The following SERPINB11 variants were observed in gnomAD, a reference collection of about 807,000 sequenced individuals.
SERPINB11 encodes serpin B11.
SERPINB11 carries 32 observed loss-of-function variants against 36.7 expected under a neutral mutation model. The ratio of observed to expected loss-of-function variants is 0.87; its 90% CI spans 0.66 to 1.17. The LOEUF is 1.17. SERPINB11 is among the 50% of genes most tolerant of loss of function. SERPINB11 has a pLI of 0.00. For synonymous variants in SERPINB11, 174 were observed against 168.1 expected, an observed-to-expected ratio of 1.04 and a Z score of -0.27; for missense variants, 528 against 458.4, an observed-to-expected ratio of 1.15 and a Z score of -1.39.
In SERPINB11 at chr18:63,720,155, G is replaced by A. The variant is rs1506420; in HGVS notation, c.618G>A (p.Glu206=). The change falls in exon 6 of 8, where the codon GAG becomes GAA. Residue 206 remains glutamate, a splice_region_variant and synonymous_variant. Transcript: ENST00000544088. ...TTAAAAGTCCTTTTCAGCTAAGTGAGGTAAGTATTTTATTTTCAGACTCAT... is the reference window on the plus strand; with the variant it reads ...TTAAAAGTCCTTTTCAGCTAAGTGAAGTAAGTATTTTATTTTCAGACTCAT... ...ETVKSPFQLS[E]GKNVTVEMMY... The A allele has an allele frequency of 0.31, 484,258 of 1,577,700 alleles. 81,150 individuals carry two copies. Among genetic ancestry groups the A allele is most frequent in the East Asian group, 0.59 (25,965 of 44,204 alleles).
At chr18:63,718,715 A>G (rs1914729708) in intron 5 of SERPINB11, among the ~76,000 whole-genome samples, 1 of 152,104 alleles carries the variant, frequency 6.6e-6, no homozygotes. Context: ...CTCCCATTAT[A>G]TCACTTAACA....
chr18:63,716,031 A>G lies in SERPINB11; in HGVS notation c.358-4A>G. 6.3e-7 allele frequency: 1 copy of G among 1,580,154 alleles called. No homozygotes were observed. Among genetic ancestry groups the G allele is most frequent in the Non-Finnish European group, 8.7e-7 (1 of 1,152,568 alleles). Reference sequence around the variant, plus strand: ...TTGTTGTTCAATTATCATGTCTTTCATAGCAATATTTAAGCTGTTCTGAGA... The same window carrying G: ...TTGTTGTTCAATTATCATGTCTTTCGTAGCAATATTTAAGCTGTTCTGAGA... On this transcript the variant is annotated splice_polypyrimidine_tract_variant and splice_region_variant and intron_variant, in intron 4 of 7. Coordinates refer to ENST00000544088, the MANE Select transcript of SERPINB11 (RefSeq NM_001370475.1).
intron 1 of SERPINB11, among the ~76,000 whole-genome samples, chr18:63,704,537 G>A (rs1914321363): frequency 6.6e-6 from 1 of 152,198 alleles, no homozygotes; most frequent in African/African-American, 2.4e-5. Flanking sequence ...CTATTGGCAA[G>A]ACAGAGTTTT....
In SERPINB11 at chr18:63,716,080, AC is replaced by A. The variant is rs1914660295; in HGVS notation, c.404del (p.Thr135MetfsTer41). 4 of 1,612,510 alleles carry A rather than the reference AC, an allele frequency of 2.5e-6. No individual in the cohort carries two copies. Among genetic ancestry groups the A allele is most frequent in the Non-Finnish European group, 3.4e-6 (4 of 1,179,110 alleles). ...SEKWYQARLQTVDFEQSTEET... is the reference protein window; with the variant it reads ...SEKWYQARLQXVDFEQSTEET... ...GAAATGGTATCAAGCCAGGTTGCAA[AC>A]TGTGGATTTTGAACAGTCTACAGAA... is the stretch of plus-strand genomic sequence containing the variant. On this transcript the variant is annotated frameshift_variant, in exon 5 of 8. Coordinates refer to ENST00000544088, the MANE Select transcript of SERPINB11 (RefSeq NM_001370475.1). LOFTEE classifies it high-confidence loss of function.
In SERPINB11 at chr18:63,712,682, G is replaced by T. The variant is rs574415754; in HGVS notation, c.346G>T (p.Ala116Ser). ...ANRLYGTKTM[A>S]FHQQYLSCSE... ...CAGGCTCTACGGGACAAAGACGATG[G>T]CATTTCATCAGGTAAGTCCATTTGG... Residue 116 changes from alanine to serine, a missense_variant, in exon 4 of 8, where the codon GCA (alanine) becomes TCA (serine). By Grantham distance (99) the Ala-to-Ser change is moderately conservative. Coordinates refer to ENST00000544088, the MANE Select transcript of SERPINB11 (RefSeq NM_001370475.1). The T allele has an allele frequency of 8.1e-6, 13 of 1,613,270 alleles. No individual in the cohort carries two copies. Among genetic ancestry groups the T allele is most frequent in the African/African-American group, 1.3e-5 (1 of 74,886 alleles).
Position 63,715,175 on chromosome 18 carries a change from A to C in SERPINB11, c.358-860A>C, listed in dbSNP as rs563067418. On this transcript the variant is annotated intron_variant, in intron 4 of 7. Transcript: ENST00000544088. ...AGTCTTGTATTGTTCTATTCAGTTCATGTTGGGGCATTGAGTCCCACTGGG... is the reference window on the plus strand; with the variant it reads ...AGTCTTGTATTGTTCTATTCAGTTCCTGTTGGGGCATTGAGTCCCACTGGG... Among the ~76,000 whole-genome samples, 27 of 152,208 alleles carry C rather than the reference A, an allele frequency of 1.8e-4. No individual in the cohort carries two copies. The East Asian group carries it at 5.2e-3, about 29-fold the overall frequency.
At position 63,712,612 on chromosome 18, in the gene SERPINB11, T is replaced by C; in HGVS notation, c.276T>C (p.Ser92=). The C allele has an allele frequency of 6.2e-7, 1 of 1,613,760 alleles. No homozygotes were observed. The highest frequency in any genetic ancestry group is 1.1e-5 in the South Asian group (1 of 91,060). The change falls in exon 4 of 8, where the codon TCT becomes TCC. Residue 92 remains serine (S), a synonymous_variant. Coordinates refer to ENST00000544088, the MANE Select transcript of SERPINB11 (RefSeq NM_001370475.1). The part of the protein sequence containing the change: ...RIHSEFGVEF[S]QINQPDSNCT... ...ATTCCGAGTTTGGTGTCGAATTCTC[T>C]CAAATCAACCAGCCAGACTCTAACT...
chr18:63,703,627 A>G (rs1050264854), intron 1 of SERPINB11, among the ~76,000 whole-genome samples: 1 of 152,246 alleles, frequency 6.6e-6, no homozygotes, highest in African/African-American at 2.4e-5. Context: ...ATTTAGGGAA[A>G]GAGAGGTAGG....
rs370839563 is a variant in SERPINB11 at position 63,720,161 on chromosome 18, T to G, written c.618+6T>G. 2 of 1,593,776 alleles carry G rather than the reference T, an allele frequency of 1.3e-6. No individual in the cohort carries two copies. The highest frequency in any genetic ancestry group is 1.7e-6 in the Non-Finnish European group (2 of 1,165,472). On this transcript the variant is annotated splice_donor_region_variant and intron_variant, in intron 6 of 7. Transcript: ENST00000544088. ...GTCCTTTTCAGCTAAGTGAGGTAAG[T>G]ATTTTATTTTCAGACTCATGACAAA...
At chr18:63,714,895 G>C (rs1914626881) in intron 4 of SERPINB11, among the ~76,000 whole-genome samples, 1 of 152,148 alleles carries the variant, frequency 6.6e-6, no homozygotes, top group African/African-American at 2.4e-5. Flanking sequence ...AAAATCACAA[G>C]AGTATTGATT....
At chr18:63,719,733 C>T (rs967227689) in intron 5 of SERPINB11, among the ~76,000 whole-genome samples, 1 of 152,024 alleles carries the variant, frequency 6.6e-6, no homozygotes, top group Non-Finnish European at 1.5e-5. Flanking sequence ...TAAGAAATTA[C>T]TCGATGTAAC....
At chr18:63,712,807 C>T (rs1914564436) in intron 4 of SERPINB11, 114 bp downstream of exon 4, 19 of 1,163,918 alleles carry the variant, frequency 1.6e-5, no homozygotes, top group Non-Finnish European at 2.1e-5. Flanking sequence ...AAGAGATTGA[C>T]TTTGTGCTAA....
At chr18:63,711,027 A>C (rs1914509073) in intron 2 of SERPINB11, among the ~76,000 whole-genome samples, 1 of 152,212 alleles carries the variant, frequency 6.6e-6, no homozygotes. Flanking sequence ...CAGTAGGGAC[A>C]GAAGTGTCCA....
Position 63,711,414 on chromosome 18 carries a change from T to C in SERPINB11, c.228+20T>C. 2 of 1,543,154 alleles carry C rather than the reference T, an allele frequency of 1.3e-6. No individual in the cohort carries two copies. The highest frequency in any genetic ancestry group is 1.8e-6 in the Non-Finnish European group (2 of 1,117,058). On this transcript the variant is annotated intron_variant, in intron 3 of 7. Coordinates refer to ENST00000544088, the MANE Select transcript of SERPINB11 (RefSeq NM_001370475.1). The stretch of plus-strand genomic sequence containing the variant: ...CCTAAGGTATGATAATATTACTGAG[T>C]TGTCAAATGCTCTTTAACCTAAGAG...
intron 1 of SERPINB11, among the ~76,000 whole-genome samples, chr18:63,706,830 A>C (rs1227237795): frequency 6.6e-6 from 1 of 152,216 alleles, no homozygotes; most frequent in Admixed American, 6.5e-5. Context: ...GTTATCGAGG[A>C]CGCAAGTTCT....
intron 4 of SERPINB11, among the ~76,000 whole-genome samples, chr18:63,713,764 C>T (rs1200956097): frequency 6.6e-6 from 1 of 152,106 alleles, no homozygotes; most frequent in East Asian, 1.9e-4. Flanking sequence ...CTTGACTTTG[C>T]CTTCTCAAAA....
chr18:63,712,668 G>A lies in SERPINB11; in HGVS notation c.332G>A (p.Gly111Glu), dbSNP rs1460112640. The A allele has an allele frequency of 1.9e-6, 3 of 1,613,676 alleles. No homozygotes were observed. Among genetic ancestry groups the A allele is most frequent in the African/African-American group, 2.7e-5 (2 of 75,014 alleles). ...CTLSIANRLY[G>E]TKTMAFHQQY... Reference sequence around the variant, plus strand: ...CTCAGCATTGCCAACAGGCTCTACGGGACAAAGACGATGGCATTTCATCAG... The same window carrying A: ...CTCAGCATTGCCAACAGGCTCTACGAGACAAAGACGATGGCATTTCATCAG... Residue 111 changes from glycine (G) to glutamate (E), a missense_variant, in exon 4 of 8, where the codon GGG (glycine) becomes GAG (glutamate). Coordinates refer to ENST00000544088, the MANE Select transcript of SERPINB11 (RefSeq NM_001370475.1).
intron 1 of SERPINB11, among the ~76,000 whole-genome samples, chr18:63,709,243 T>C (rs774753047): frequency 6.6e-6 from 1 of 152,204 alleles, no homozygotes; most frequent in South Asian, 2.1e-4. Flanking sequence ...CACTTTCTTA[T>C]GGCAGGTCCT....
chr18:63,712,502 T>C, intron 3 of SERPINB11, 63 bp from the exon 4 acceptor site: 1 of 1,577,774 alleles, frequency 6.3e-7, no homozygotes, highest in African/African-American at 1.3e-5. Flanking sequence ...TAGATAGTTA[T>C]CATTCTCCAA....
Sources: gnomAD v4.1 joint callset for allele counts (sites outside exome capture counted in the v4.1 genomes callset) on GRCh38, gnomAD v4.1.1 for gene constraint, MANE v1.5 for transcripts, NCBI Gene and HGNC (gene_info 2026-07-23, HGNC 2026-07-21) for gene names.